PTPRD: variants seen among roughly 807,000 people sequenced by gnomAD.
PTPRD encodes the protein receptor-type tyrosine-protein phosphatase delta.
A neutral mutation model predicts 214.5 loss-of-function variants in PTPRD; 34 were observed. The observed-to-expected ratio is 0.16, with a 90% CI of 0.12 to 0.21. PTPRD has a LOEUF of 0.21. Among genes scored for constraint, PTPRD ranks in the 10% least tolerant of loss-of-function variants. PTPRD has a pLI of 1.00. For synonymous variants in PTPRD, 1,128 were observed against 845.7 expected (o/e 1.33, Z -5.79); for missense variants, 2,545 against 2,398.7 (o/e 1.06, Z -1.27).
At chr9:10,164,581 C>G (rs957358245) in intron 3 of PTPRD, among the ~76,000 whole-genome samples, 2 of 151,422 alleles carry the variant, frequency 1.3e-5, no homozygotes, top group Non-Finnish European at 3.0e-5. Flanking sequence ...TATGGTGTGA[C>G]TAAAATACAA....
At chr9:9,475,590 C>T (rs2094964745) in intron 8 of PTPRD, among the ~76,000 whole-genome samples, 1 of 152,154 alleles carries the variant, frequency 6.6e-6, no homozygotes, top group Admixed American at 6.5e-5. Context: ...CACCCTTGCT[C>T]TTCTCTGTGT....
At position 8,657,022 on chromosome 9, in the gene PTPRD, TCTGA is replaced by T. The variant is rs527589634; in HGVS notation, c.65-20182_65-20179del. The stretch of plus-strand genomic sequence containing the variant: ...GAAATATAAACTTAATAATTACCAA[TCTGA>T]CTGGCGAGGGATGGTAGCTCATTAT... On this transcript the variant is annotated intron_variant, in intron 12 of 45. Coordinates refer to ENST00000381196, the MANE Select transcript of PTPRD (RefSeq NM_002839.4). Among the ~76,000 whole-genome samples the T allele has an allele frequency of 2.9e-3, 445 of 152,328 alleles. 8 individuals are homozygous for T. Among genetic ancestry groups the T allele is most frequent in the African/African-American group, 0.01 (422 of 41,568 alleles).
chr9:8,524,883 A>G (rs2139174364), intron 18 of PTPRD, 42 bp downstream of exon 18: 4 of 1,550,776 alleles, frequency 2.6e-6, no homozygotes, highest in Non-Finnish European at 3.6e-6. Flanking sequence ...ACTCCCCCTG[A>G]GCCTGAATGA....
At chr9:9,699,567 A>G (rs144361494) in intron 7 of PTPRD, among the ~76,000 whole-genome samples, 135 of 152,056 alleles carry the variant, frequency 8.9e-4, no homozygotes, top group Non-Finnish European at 1.6e-3. Flanking sequence ...AACAGTTTTT[A>G]CCCCCCCAAT....
At chr9:9,760,818 G>T (rs1316766996) in intron 6 of PTPRD, among the ~76,000 whole-genome samples, 1 of 152,064 alleles carries the variant, frequency 6.6e-6, no homozygotes, top group Non-Finnish European at 1.5e-5. Flanking sequence ...AGCCATTAGA[G>T]AAATGCAAAT....
In PTPRD at chr9:10,566,144, C is replaced by T. The variant is rs2065538326; in HGVS notation, c.-600+46254G>A. On this transcript the variant is annotated intron_variant, in intron 2 of 45. Transcript: ENST00000381196. ...AATTTCTTTGCTCAGGTACTCATCACATTAATTTGTCACTATTTAACAATT... is the reference window on the plus strand; with the variant it reads ...AATTTCTTTGCTCAGGTACTCATCATATTAATTTGTCACTATTTAACAATT... 2.0e-5 allele frequency among the ~76,000 whole-genome samples: 3 copies of T among 151,988 alleles called. No homozygotes were observed. The South Asian group carries it at 6.2e-4, about 31-fold the overall frequency.
At chr9:8,820,725 C>T (rs1279018993) in intron 11 of PTPRD, among the ~76,000 whole-genome samples, 2 of 151,846 alleles carry the variant, frequency 1.3e-5, no homozygotes, top group African/African-American at 2.4e-5. Flanking sequence ...ACATACTACA[C>T]ACCACACACA....
At chr9:10,402,611 A>G (rs1587357702) in intron 2 of PTPRD, among the ~76,000 whole-genome samples, 1 of 151,888 alleles carries the variant, frequency 6.6e-6, no homozygotes, top group South Asian at 2.1e-4. Context: ...ATCCCTGACA[A>G]GAATATCATT....
chr9:10,059,726 C>G (rs1391293381), intron 3 of PTPRD, among the ~76,000 whole-genome samples: 3 of 149,950 alleles, frequency 2.0e-5, no homozygotes, highest in African/African-American at 4.9e-5. Flanking sequence ...AATTTGTAAG[C>G]GTCATAAACA....
chr9:10,309,946 G>A (rs2154416605), intron 3 of PTPRD, among the ~76,000 whole-genome samples: 1 of 152,100 alleles, frequency 6.6e-6, no homozygotes, highest in Middle Eastern at 3.4e-3. Context: ...GTTCCAAAAT[G>A]TGCAGCATGT....
chr9:9,568,508 T>C (rs961263217), intron 8 of PTPRD, among the ~76,000 whole-genome samples: 12 of 152,050 alleles, frequency 7.9e-5, no homozygotes, highest in Non-Finnish European at 1.6e-4. Flanking sequence ...AAATATGGAC[T>C]CTTATTTCCA....
At chr9:9,042,484 T>C (rs2099643076) in intron 10 of PTPRD, among the ~76,000 whole-genome samples, 1 of 152,032 alleles carries the variant, frequency 6.6e-6, no homozygotes, top group Non-Finnish European at 1.5e-5. Context: ...ATTGGGGTTG[T>C]CACCAGAGAA....
At chr9:9,702,130 G>C (rs538000982) in intron 7 of PTPRD, among the ~76,000 whole-genome samples, 2 of 151,866 alleles carry the variant, frequency 1.3e-5, no homozygotes, top group Non-Finnish European at 2.9e-5. Flanking sequence ...AAAAGAAAGA[G>C]AGAGAGAGAG....
intron 8 of PTPRD, among the ~76,000 whole-genome samples, chr9:9,508,403 T>A (rs1432211123): frequency 6.6e-6 from 1 of 151,598 alleles, no homozygotes; most frequent in Non-Finnish European, 1.5e-5. Flanking sequence ...ATTACATGGC[T>A]ATTTTTTCCA....
rs555386394 is a variant in PTPRD at position 9,626,567 on chromosome 9, C to T, written c.-286-51786G>A. ...AAAAGAAGAGGAAGGAAGGAAGGGA[C>T]GGAGAAAAGGAGGGAGAAAGAAAGG... On this transcript the variant is annotated intron_variant, in intron 7 of 45. Transcript: ENST00000381196. 2.0e-4 allele frequency among the ~76,000 whole-genome samples: 31 copies of T among 151,934 alleles called. 1 individual carries two copies. Among genetic ancestry groups the T allele is most frequent in the Middle Eastern group, 3.4e-3 (1 of 294 alleles).
intron 35 of PTPRD, among the ~76,000 whole-genome samples, chr9:8,424,499 G>A (rs1472812128): frequency 3.9e-5 from 6 of 152,126 alleles, no homozygotes; most frequent in Non-Finnish European, 8.8e-5. Context: ...AATGCATTCC[G>A]AAGAATGTCT....
At chr9:9,567,333 G>A (rs890237894) in intron 8 of PTPRD, among the ~76,000 whole-genome samples, 1 of 152,056 alleles carries the variant, frequency 6.6e-6, no homozygotes, top group South Asian at 2.1e-4. Context: ...TGAGAGCAAA[G>A]AACATAGGTA....
intron 11 of PTPRD, among the ~76,000 whole-genome samples, chr9:8,971,540 G>A (rs966512854): frequency 6.6e-6 from 1 of 151,628 alleles, no homozygotes; most frequent in African/African-American, 2.4e-5. Context: ...ATAGGTAAGT[G>A]TTTAGGATGA....
At chr9:9,715,624 T>A (rs1047437573) in intron 7 of PTPRD, among the ~76,000 whole-genome samples, 1 of 152,122 alleles carries the variant, frequency 6.6e-6, no homozygotes, top group African/African-American at 2.4e-5. Context: ...CAACTTCAAA[T>A]AGAATCTAGA....
Sources: gnomAD v4.1 joint callset for allele counts (sites outside exome capture counted in the v4.1 genomes callset) on GRCh38, gnomAD v4.1.1 for gene constraint, MANE v1.5 for transcripts, NCBI Gene and HGNC (gene_info 2026-07-23, HGNC 2026-07-21) for gene names.